CSNK1G1: variants seen among roughly 807,000 people sequenced by gnomAD.
CSNK1G1 encodes casein kinase 1 gamma 1.
A neutral mutation model predicts 59.6 loss-of-function variants in CSNK1G1; 22 were observed. The ratio of observed to expected loss-of-function variants is 0.37; its 90% confidence interval spans 0.26 to 0.53. The LOEUF (loss-of-function observed/expected upper bound fraction) is 0.53. CSNK1G1 is among the 20% of genes least tolerant of loss of function. CSNK1G1 has a pLI of 0.89. For missense variants in CSNK1G1, 384 were observed against 519.5 expected, an observed-to-expected ratio of 0.74 and a Z score of 2.54; for synonymous variants, 179 against 177.1, an observed-to-expected ratio of 1.01 and a Z score of -0.08.
At chr15:64,336,641 G>T (rs1301582350) in intron 1 of CSNK1G1, among the ~76,000 whole-genome samples, 1 of 151,986 alleles carries the variant, frequency 6.6e-6, no homozygotes, top group African/African-American at 2.4e-5. Flanking sequence ...AAATGTAAGA[G>T]ATTCAAAATA....
chr15:64,241,760 T>C (rs189983139), intron 4 of CSNK1G1, among the ~76,000 whole-genome samples: 17 of 149,494 alleles, frequency 1.1e-4, no homozygotes, highest in Admixed American at 3.3e-4. Context: ...ATCAAAAAAG[T>C]AGAGATTTCA....
chr15:64,296,886 C>T (rs1021801094), intron 2 of CSNK1G1, among the ~76,000 whole-genome samples: 2 of 146,858 alleles, frequency 1.4e-5, no homozygotes, highest in Non-Finnish European at 3.0e-5. Flanking sequence ...AAAAAGAAAA[C>T]TGTATAATGG....
chr15:64,318,312 A>C (rs1176435094), intron 1 of CSNK1G1, among the ~76,000 whole-genome samples: 1 of 152,108 alleles, frequency 6.6e-6, no homozygotes, highest in Admixed American at 6.6e-5. Context: ...TGCTCAAAAA[A>C]AATAGCTGCA....
intron 2 of CSNK1G1, among the ~76,000 whole-genome samples, chr15:64,264,603 AAC>A (rs1426850674): frequency 6.6e-6 from 1 of 152,242 alleles, no homozygotes; most frequent in African/African-American, 2.4e-5. Flanking sequence ...CCCTGATGAA[AAC>A]AGAGGCACAA....
chr15:64,208,924 G>A (rs2082217123), intron 6 of CSNK1G1, among the ~76,000 whole-genome samples: 1 of 144,164 alleles, frequency 6.9e-6, no homozygotes, highest in South Asian at 2.2e-4. Context: ...GTCTCGCTCT[G>A]TTGCCTAGGC....
intron 2 of CSNK1G1, among the ~76,000 whole-genome samples, chr15:64,272,546 TA>T (rs1893378503): frequency 6.6e-6 from 1 of 152,120 alleles, no homozygotes; most frequent in South Asian, 2.1e-4. Context: ...TGGGGGTATT[TA>T]GCCTGTTTAC....
chr15:64,353,998 T>C lies in CSNK1G1; in HGVS notation c.-225+1990A>G, dbSNP rs185455394. On this transcript the variant is annotated intron_variant, in intron 1 of 11. Coordinates refer to ENST00000303052, the MANE Select transcript of CSNK1G1 (RefSeq NM_022048.5). Reference sequence around the variant, plus strand: ...AGATGAGAGGTGCTGCTGATGCTGCTGATTTTTATCTTAAAATTACAAGTA... The same window carrying C: ...AGATGAGAGGTGCTGCTGATGCTGCCGATTTTTATCTTAAAATTACAAGTA... Among the ~76,000 whole-genome samples, 862 of 151,958 alleles carry C rather than the reference T, an allele frequency of 5.7e-3. 9 individuals carry two copies. The highest frequency in any genetic ancestry group is 0.014 in the Middle Eastern group (4 of 292).
At chr15:64,303,251 A>C (rs1187546390) in intron 1 of CSNK1G1, among the ~76,000 whole-genome samples, 1 of 149,602 alleles carries the variant, frequency 6.7e-6, no homozygotes, top group Non-Finnish European at 1.5e-5. Context: ...TAAAAAAAAA[A>C]ACAAAAAAAA....
intron 2 of CSNK1G1, among the ~76,000 whole-genome samples, chr15:64,263,956 A>G (rs1342110879): frequency 6.6e-6 from 1 of 152,134 alleles, no homozygotes; most frequent in African/African-American, 2.4e-5. Flanking sequence ...ACTCGGCAGT[A>G]AATTTCCAGA....
intron 1 of CSNK1G1, among the ~76,000 whole-genome samples, chr15:64,317,655 C>A (rs1473203121): frequency 6.6e-6 from 1 of 151,812 alleles, no homozygotes; most frequent in East Asian, 1.9e-4. Flanking sequence ...CATACCATCA[C>A]CCACCTAATT....
At chr15:64,246,873 T>C (rs1406883957) in intron 4 of CSNK1G1, among the ~76,000 whole-genome samples, 1 of 152,150 alleles carries the variant, frequency 6.6e-6, no homozygotes, top group Non-Finnish European at 1.5e-5. Flanking sequence ...TCCTCTTTCA[T>C]TTGCTCTGGT....
rs2082316976 is a variant in CSNK1G1, at chr15:64,216,768, T to C, written c.293-55A>G. On this transcript the variant is annotated intron_variant, in intron 4 of 11. Transcript: ENST00000303052. This position sits in a 1 kb window ranked among gnomAD's most constrained non-coding sequence, Gnocchi z 4.6. ...AGTGGGAGACACAAAAGCCAAAATA[T>C]GAGATAACAGTATTAGCACTGAATA... 1 of 1,496,216 alleles carries C rather than the reference T, an allele frequency of 6.7e-7. No individual in the cohort carries two copies. Among genetic ancestry groups the C allele is most frequent in the Non-Finnish European group, 9.3e-7 (1 of 1,080,342 alleles). The allele number at this position is 1,496,216 out of a possible 1,614,324, so 92.7% of individuals were successfully genotyped here. A position where few individuals can be genotyped will look rare whatever the true frequency, so the allele number is the denominator to read the frequency against.
intron 3 of CSNK1G1, among the ~76,000 whole-genome samples, chr15:64,254,236 G>C (rs1214083296): frequency 6.6e-6 from 1 of 152,058 alleles, no homozygotes; most frequent in Admixed American, 6.6e-5. Flanking sequence ...GGGGAGGGGA[G>C]AATGAGGAGT....
At chr15:64,326,078 G>A (rs1421850713) in intron 1 of CSNK1G1, among the ~76,000 whole-genome samples, 1 of 152,196 alleles carries the variant, frequency 6.6e-6, no homozygotes, top group Non-Finnish European at 1.5e-5. Flanking sequence ...AGGCTAGAGC[G>A]AAGTGGCACA....
At chr15:64,278,005 A>G (rs938466509) in intron 2 of CSNK1G1, among the ~76,000 whole-genome samples, 1 of 144,770 alleles carries the variant, frequency 6.9e-6, no homozygotes, top group African/African-American at 2.6e-5. Flanking sequence ...ATTAATATTG[A>G]TATATTTGAA....
intron 2 of CSNK1G1, among the ~76,000 whole-genome samples, chr15:64,260,538 G>C (rs1424632195): frequency 6.6e-6 from 1 of 152,074 alleles, no homozygotes; most frequent in Non-Finnish European, 1.5e-5. Context: ...AGGAGTTCAA[G>C]ACCAGCCTGG....
rs2081622794 is a variant in CSNK1G1, at chr15:64,168,061, T to C, written c.*3870A>G. On this transcript the variant is annotated 3_prime_UTR_variant, in exon 12 of 12. Coordinates refer to ENST00000303052, the MANE Select transcript of CSNK1G1 (RefSeq NM_022048.5). ...AGTTTGGAAATTACTTTAGGGGTGA[T>C]GGTCACCTTTTCTGGCTGATGGACA... The C allele has an allele frequency of 6.6e-6, 1 of 152,476 alleles. No homozygotes were observed. The highest frequency in any genetic ancestry group is 2.4e-5 in the African/African-American group (1 of 41,450). The allele number at this position is 152,476 out of a possible 1,614,324, so 9.4% of individuals were successfully genotyped here. A position where few individuals can be genotyped will look rare whatever the true frequency, so the allele number is the denominator to read the frequency against.
chr15:64,343,208 A>ACACACACACACACACAC (rs5741730), intron 1 of CSNK1G1, among the ~76,000 whole-genome samples: 2 of 109,956 alleles, frequency 1.8e-5, no homozygotes, highest in African/African-American at 3.4e-5. Context: ...GCAAAACTCC[A>ACACACACACACACACAC]ACACACACAC....
Position 64,282,587 on chromosome 15 carries a change from T to C in CSNK1G1, c.181+17732A>G, listed in dbSNP as rs145279442. On this transcript the variant is annotated intron_variant, in intron 2 of 11. Coordinates refer to ENST00000303052, the MANE Select transcript of CSNK1G1 (RefSeq NM_022048.5). ...AATGGTCTTTTTGTTACTGGATCTGTTCATTTAACCTGTTTTCAAGATTCA... is the reference window on the plus strand; with the variant it reads ...AATGGTCTTTTTGTTACTGGATCTGCTCATTTAACCTGTTTTCAAGATTCA... Among the ~76,000 whole-genome samples the C allele has an allele frequency of 5.1e-3, 775 of 152,326 alleles. 14 individuals are homozygous for C. The highest frequency in any genetic ancestry group is 0.018 in the African/African-American group (737 of 41,566).
Sources: allele counts gnomAD v4.1 joint callset (sites outside exome capture counted in the v4.1 genomes callset), GRCh38; gene constraint gnomAD v4.1.1; non-coding constraint Gnocchi (gnomAD v3.1); transcripts MANE v1.5; gene names NCBI Gene and HGNC (gene_info 2026-07-23, HGNC 2026-07-21).